The following SNRPN variants were observed in gnomAD, a reference collection of about 807,000 sequenced individuals.
SNRPN encodes the protein small nuclear ribonucleoprotein-associated protein N.
SNRPN carries 7 observed loss-of-function variants against 25.2 expected under a neutral mutation model. The observed-to-expected ratio is 0.28, with a 90% CI of 0.16 to 0.52. The LOEUF (loss-of-function observed/expected upper bound fraction) is 0.52, where lower values mean the gene tolerates loss of function less well. Ranked by LOEUF, SNRPN falls within the 20% of genes least tolerant of loss-of-function variation. The probability of loss-of-function intolerance (pLI) is 0.96; values close to 1 mark genes in which losing one functional copy is unlikely to be tolerated. For synonymous variants in SNRPN, 124 were observed against 110.6 expected (o/e 1.12, Z -0.76); for missense variants, 196 against 322.5 (o/e 0.61, Z 3.00).
At position 24,863,206 on chromosome 15, in the gene SNRPN, C is replaced by G. The variant is rs189034133; in HGVS notation, c.-579+6490C>G. 2.2e-3 allele frequency among the ~76,000 whole-genome samples: 330 copies of G among 150,908 alleles called. 24 individuals are homozygous for G. Among genetic ancestry groups the G allele is most frequent in the African/African-American group, 7.5e-3 (303 of 40,350 alleles). ...GGAAGGGCAGAGAAGTTTCTGTCCC[C>G]TCAGCCATTTTGCAGATGTAGGTTG... On this transcript the variant is annotated intron_variant, in intron 1 of 11. Coordinates refer to the SNRPN transcript ENST00000400097.
At chr15:24,824,094 T>C (rs932677106) in intron 1 of SNRPN, among the ~76,000 whole-genome samples, 4 of 152,102 alleles carry the variant, frequency 2.6e-5, no homozygotes, top group Non-Finnish European at 5.9e-5. Flanking sequence ...ACATATTCTC[T>C]GTTTTAGTGT....
At chr15:24,881,940 A>G (rs2056733099) in intron 1 of SNRPN, among the ~76,000 whole-genome samples, 1 of 152,142 alleles carries the variant, frequency 6.6e-6, no homozygotes, top group South Asian at 2.1e-4. Context: ...GGAACAAGAT[A>G]TCCTTCCTAT....
intron 3 of SNRPN, among the ~76,000 whole-genome samples, chr15:24,925,705 A>G (rs112158922): frequency 0.015 from 2,202 of 151,596 alleles, 28 homozygotes; most frequent in Middle Eastern, 0.053. Context: ...CAGCCTCCCC[A>G]GTGGCTGGGA....
intron 1 of SNRPN, among the ~76,000 whole-genome samples, chr15:24,863,565 A>G (rs1243374862): frequency 1.3e-5 from 2 of 150,190 alleles, no homozygotes; most frequent in African/African-American, 2.5e-5. Flanking sequence ...ACTTTTTTCT[A>G]CCACATGTAC....
Position 24,902,921 on chromosome 15 carries a change from G to C in SNRPN, c.-505+16332G>C, listed in dbSNP as rs561290142. Among the ~76,000 whole-genome samples the C allele has an allele frequency of 6.1e-4, 93 of 152,288 alleles. 1 individual carries two copies. The highest frequency in any genetic ancestry group is 2.2e-3 in the African/African-American group (91 of 41,568). Reference sequence around the variant, plus strand: ...CCAGTGGGTTGCCACTGCTGGCTCCGGTGGCCAGCTTTTATTCCCTTATTT... The same window carrying C: ...CCAGTGGGTTGCCACTGCTGGCTCCCGTGGCCAGCTTTTATTCCCTTATTT... On this transcript the variant is annotated intron_variant, in intron 2 of 11. Transcript: ENST00000400097.
chr15:24,859,402 C>G (rs886687527), intron 1 of SNRPN, among the ~76,000 whole-genome samples: 7 of 152,082 alleles, frequency 4.6e-5, no homozygotes, highest in Admixed American at 2.6e-4. Context: ...AACGCATTCT[C>G]TAGTGAAGGA....
chr15:24,966,483 C>A (rs908403614), intron 2 of SNRPN, among the ~76,000 whole-genome samples: 2 of 152,106 alleles, frequency 1.3e-5, no homozygotes, highest in African/African-American at 4.8e-5. Context: ...CTGGACATGT[C>A]ACTGAATTCA....
intron 2 of SNRPN, among the ~76,000 whole-genome samples, chr15:24,918,518 A>ATGTG (rs1566909101): frequency 9.9e-5 from 13 of 131,720 alleles, no homozygotes; most frequent in South Asian, 4.6e-4. Context: ...CATAATATAT[A>ATGTG]TATGTGTATA....
intron 2 of SNRPN, among the ~76,000 whole-genome samples, chr15:24,901,619 C>T (rs141741952): frequency 2.8e-4 from 42 of 152,190 alleles, no homozygotes; most frequent in Non-Finnish European, 4.7e-4. Context: ...ACAAAAGTAC[C>T]GCAGGTATTG....
intron 3 of SNRPN, among the ~76,000 whole-genome samples, chr15:24,922,844 T>C (rs757105209): frequency 8.6e-5 from 13 of 150,542 alleles, no homozygotes; most frequent in Non-Finnish European, 1.8e-4. Context: ...TATACAGACA[T>C]ATCATTATCC....
chr15:24,861,344 C>A (rs1292922547), intron 1 of SNRPN, among the ~76,000 whole-genome samples: 1 of 152,118 alleles, frequency 6.6e-6, no homozygotes, highest in Non-Finnish European at 1.5e-5. Flanking sequence ...ATACTATAAG[C>A]AATTGTAACA....
At chr15:24,856,054 T>C (rs2053352396), upstream of SNRPN, among the ~76,000 whole-genome samples, 1 of 151,380 alleles carries the variant, frequency 6.6e-6, no homozygotes, top group East Asian at 1.9e-4. Flanking sequence ...TGCTCTCTCC[T>C]TTTTTTTTCC....
intron 1 of SNRPN, among the ~76,000 whole-genome samples, chr15:24,872,653 G>C (rs1342535671): frequency 9.0e-6 from 1 of 110,500 alleles, no homozygotes; most frequent in Non-Finnish European, 1.9e-5. Flanking sequence ...GGCTGAGACA[G>C]CAGAATCGCT....
chr15:24,901,201 G>A (rs1407649502), intron 2 of SNRPN, among the ~76,000 whole-genome samples: 2 of 152,154 alleles, frequency 1.3e-5, no homozygotes, highest in Non-Finnish European at 2.9e-5. Context: ...TAGAGGAAGA[G>A]GGCTCAAACA....
intron 2 of SNRPN, among the ~76,000 whole-genome samples, chr15:24,965,246 C>T (rs1262913812): frequency 6.6e-6 from 1 of 151,964 alleles, no homozygotes; most frequent in Non-Finnish European, 1.5e-5. Context: ...CCCTAAAGAT[C>T]AATGAAGGAG....
chr15:24,973,417 T>C (rs564007070), intron 3 of SNRPN, among the ~76,000 whole-genome samples: 2 of 151,950 alleles, frequency 1.3e-5, no homozygotes, highest in African/African-American at 4.8e-5. Context: ...GATGAAGTTT[T>C]GCTCTTGTCC....
rs527838043 is a variant in SNRPN at position 24,894,849 on chromosome 15, G to A, written c.-505+8260G>A. 1.6e-3 allele frequency among the ~76,000 whole-genome samples: 247 copies of A among 152,204 alleles called. 1 individual carries two copies. The highest frequency in any genetic ancestry group is 2.5e-3 in the Non-Finnish European group (170 of 68,012). The stretch of plus-strand genomic sequence containing the variant: ...GAAGTGTCCCAGCTGTCCCTTTCTC[G>A]TTGCCAGAAACTTCTACCCTTCTCA... On this transcript the variant is annotated intron_variant, in intron 2 of 11. Transcript: ENST00000400097.
Position 24,866,742 on chromosome 15 carries a change from T to C in SNRPN, c.-579+10026T>C, listed in dbSNP as rs969167736. Among the ~76,000 whole-genome samples the C allele has an allele frequency of 3.3e-5, 5 of 152,176 alleles. No individual in the cohort carries two copies. In the East Asian group the frequency reaches 7.7e-4, roughly 23 times the overall value. On this transcript the variant is annotated intron_variant, in intron 1 of 11. Transcript: ENST00000400097. ...AACTACCGTTCTACATCCCCACTTG[T>C]ATGAAATCACATTTTTTAGATTTCA... is the stretch of plus-strand genomic sequence containing the variant.
intron 1 of SNRPN, chr15:24,856,752 AG>A (rs1471987919): frequency 4.6e-5 from 7 of 152,208 alleles, no homozygotes; most frequent in Non-Finnish European, 4.4e-5. Context: ...TTTTGTTTTA[AG>A]GTCCAAATAT....
Sources: allele counts gnomAD v4.1 joint callset (sites outside exome capture counted in the v4.1 genomes callset), GRCh38; gene constraint gnomAD v4.1.1; transcripts MANE v1.5; gene names NCBI Gene and HGNC (gene_info 2026-07-23, HGNC 2026-07-21).